The following NRXN2 variants were observed in gnomAD, a reference collection of about 807,000 sequenced individuals.
The protein encoded by NRXN2 is neurexin-2-beta.
Under a neutral mutation model 128.8 loss-of-function variants are expected in NRXN2, and 29 were observed. The ratio of observed to expected loss-of-function variants is 0.23; its 90% CI spans 0.17 to 0.31. The LOEUF is 0.31. Among genes scored for constraint, NRXN2 ranks in the 10% least tolerant of loss-of-function variants. The probability of loss-of-function intolerance (pLI) is 1.00; values close to 1 mark genes in which losing one functional copy is unlikely to be tolerated. For missense variants in NRXN2, 1,881 were observed against 2,452.6 expected (o/e 0.77, Z 4.92); for synonymous variants, 1,098 against 1,075.2 (o/e 1.02, Z -0.41).
chr11:64,694,195 C>A (rs866714911), intron 3 of NRXN2, among the ~76,000 whole-genome samples: 3 of 152,332 alleles, frequency 2.0e-5, no homozygotes, highest in East Asian at 3.9e-4. Flanking sequence ...CAGAGCCCCC[C>A]CAGCCCCACT....
intron 22 of NRXN2, among the ~76,000 whole-genome samples, chr11:64,608,402 A>T (rs1208308924): frequency 6.6e-6 from 1 of 152,208 alleles, no homozygotes; most frequent in Non-Finnish European, 1.5e-5. Context: ...CTACTGGTTT[A>T]AGGCTTTAAA....
chr11:64,659,041 G>C (rs2048659956), intron 11 of NRXN2, among the ~76,000 whole-genome samples: 1 of 152,166 alleles, frequency 6.6e-6, no homozygotes, highest in Non-Finnish European at 1.5e-5. Context: ...AAAAAAAATG[G>C]TCAAAGCTCT....
intron 17 of NRXN2, chr11:64,643,361 G>A (rs1361211372): frequency 1.6e-6 from 1 of 609,964 alleles, no homozygotes; most frequent in Non-Finnish European, 2.0e-6. Flanking sequence ...GCGGCCGGGG[G>A]AGGGGGGGGC....
In NRXN2 at chr11:64,650,618, T is replaced by C; in HGVS notation, c.2939A>G (p.Asp980Gly). 3 of 1,613,966 alleles carry C rather than the reference T, an allele frequency of 1.9e-6. No homozygotes were observed. The highest frequency in any genetic ancestry group is 2.5e-6 in the Non-Finnish European group (3 of 1,179,996). Reference protein sequence around the residue: ...LVKGYIHYVFDLGNGPSLMKG... With the variant: ...LVKGYIHYVFGLGNGPSLMKG... ...CATCAAGGACGGGCCATTCCCCAGGTCAAACACGTAGTGGATGTACCTGCC... is the reference window on the plus strand; with the variant it reads ...CATCAAGGACGGGCCATTCCCCAGGCCAAACACGTAGTGGATGTACCTGCC... The change falls in exon 15 of 23, where the codon GAC becomes GGC. Residue 980 changes from aspartate (D) to glycine (G), a missense_variant. Asp to Gly is a moderately conservative substitution (Grantham distance 94). Around this residue, in one of 7 missense-constraint regions of NRXN2, gnomAD observed 390 missense variants for 599.6 expected, o/e 0.65. Transcript: ENST00000265459.
In NRXN2 at chr11:64,653,684, G is replaced by T. The variant is rs761573950; in HGVS notation, c.2416+12C>A. 6.3e-7 allele frequency: 1 copy of T among 1,594,768 alleles called. No individual in the cohort carries two copies. The highest frequency in any genetic ancestry group is 1.1e-5 in the South Asian group (1 of 87,242). On this transcript the variant is annotated intron_variant, in intron 12 of 22. Coordinates refer to ENST00000265459, the MANE Select transcript of NRXN2 (RefSeq NM_015080.4). ...CCTTGGGTCTCTGCAGAAGAAGAGG[G>T]AAGCCACTTACTGGGTGCGCAGCCG...
Position 64,652,097 on chromosome 11 carries a change from G to A in NRXN2, c.2474C>T (p.Thr825Met), listed in dbSNP as rs145867729. 296 of 1,613,256 alleles carry A rather than the reference G, an allele frequency of 1.8e-4. No individual in the cohort carries two copies. Among genetic ancestry groups the A allele is most frequent in the Non-Finnish European group, 2.4e-4 (289 of 1,179,994 alleles). Residue 825 changes from threonine (T) to methionine (M), a missense_variant, in exon 13 of 23, where the codon ACG (threonine) becomes ATG (methionine). Thr to Met is a moderately conservative substitution (Grantham distance 81). Coordinates refer to ENST00000265459, the MANE Select transcript of NRXN2 (RefSeq NM_015080.4). The part of the protein sequence containing the change: ...GHKLNDNEWH[T>M]VRVVRRGKSL... ...CTTGCCACGCCGGACCACCCTCACC[G>A]TGTGCCACTCATTGTCATTGAGCTT...
At chr11:64,637,301 C>T (rs1445999366) in intron 17 of NRXN2, 1 of 152,260 alleles carries the variant, frequency 6.6e-6, no homozygotes, top group East Asian at 1.9e-4. Flanking sequence ...CCCTGGAGCA[C>T]AGTGGTGAGC....
rs962772608 is a variant in NRXN2, at chr11:64,685,884, T to C, written c.914A>G (p.Asn305Ser). ...NEFFCYDLSH[N>S]PIQSSTDEIT... is the part of the protein sequence containing the mutation. The stretch of plus-strand genomic sequence containing the variant: ...CTCATCAGTGCTGCTCTGGATGGGG[T>C]TGTGTGACAGGTCGTAGCAGAAGAA... The change falls in exon 6 of 23, where the codon AAC becomes AGC. Residue 305 changes from asparagine (N) to serine (S), a missense_variant. Around this residue, in one of 7 missense-constraint regions of NRXN2, gnomAD observed 997 missense variants for 1,240.8 expected, o/e 0.80. Coordinates refer to ENST00000265459, the MANE Select transcript of NRXN2 (RefSeq NM_015080.4). 4.3e-6 allele frequency: 7 copies of C among 1,613,900 alleles called. No individual in the cohort carries two copies. Among genetic ancestry groups the C allele is most frequent in the African/African-American group, 2.7e-5 (2 of 74,864 alleles).
chr11:64,623,117 C>A lies in NRXN2; in HGVS notation c.3848-39G>T. On this transcript the variant is annotated intron_variant, in intron 20 of 22. Transcript: ENST00000265459. This position sits in a 1 kb window ranked among gnomAD's most constrained non-coding sequence, Gnocchi z 4.9. ...AAGGGGGTGACAGAGAAGGGGCAGG[C>A]AGTGAGGGGAGACCAGGAAGGGAAG... The A allele has an allele frequency of 6.4e-7, 1 of 1,568,614 alleles. No homozygotes were observed. Among genetic ancestry groups the A allele is most frequent in the Non-Finnish European group, 8.7e-7 (1 of 1,154,432 alleles).
intron 2 of NRXN2, among the ~76,000 whole-genome samples, chr11:64,708,447 C>G (rs1323985476): frequency 6.6e-6 from 1 of 152,214 alleles, no homozygotes; most frequent in Admixed American, 6.5e-5. Flanking sequence ...TGAGGAAGCA[C>G]TGTCATGCAA....
intron 6 of NRXN2, among the ~76,000 whole-genome samples, chr11:64,679,790 C>T (rs1027501707): frequency 6.6e-6 from 1 of 152,128 alleles, no homozygotes; most frequent in Admixed American, 6.6e-5. Flanking sequence ...ATTAAGGATC[C>T]AGACCCAGTC....
intron 22 of NRXN2, among the ~76,000 whole-genome samples, chr11:64,615,829 C>CAT (rs1565184522): frequency 3.6e-5 from 5 of 139,112 alleles, no homozygotes; most frequent in African/African-American, 7.8e-5. Flanking sequence ...TAGGCCCAAG[C>CAT]GTGTGTGTGT....
At chr11:64,662,182 C>T (rs541184912) in intron 9 of NRXN2, among the ~76,000 whole-genome samples, 35 of 151,970 alleles carry the variant, frequency 2.3e-4, no homozygotes, top group Non-Finnish European at 3.7e-4. Flanking sequence ...CACTTGAACC[C>T]GGGAGGCAGA....
Position 64,623,027 on chromosome 11 carries a change from C to A in NRXN2, c.3899G>T (p.Arg1300Leu), listed in dbSNP as rs760897904. 3.1e-6 allele frequency: 5 copies of A among 1,611,348 alleles called. No individual in the cohort carries two copies. The Admixed American group carries it at 8.4e-5, about 27-fold the overall frequency. Residue 1300 changes from arginine to leucine, a missense_variant, in exon 21 of 23, where the codon CGG (arginine) becomes CTG (leucine). Arg to Leu is a moderately radical substitution (Grantham distance 102). Transcript: ENST00000265459. The surrounding 1 kb of genome is among the most constrained non-coding windows in gnomAD (Gnocchi z 4.9). ...NSQAAIKIGG[R>L]DQGRPFQGQV... ...GCCCTGGAAGGGGCGGCCCTGATCC[C>A]GGCCCCCGATCTTGATGGCAGCCTG...
chr11:64,683,995 T>C (rs774496876), intron 6 of NRXN2, among the ~76,000 whole-genome samples: 3 of 152,198 alleles, frequency 2.0e-5, no homozygotes, highest in Admixed American at 6.5e-5. Context: ...GCTGCTCACT[T>C]GGCACTGGCA....
At chr11:64,644,293 C>T (rs71579878) in intron 17 of NRXN2, among the ~76,000 whole-genome samples, 4,190 of 152,068 alleles carry the variant, frequency 0.028, 179 homozygotes, top group African/African-American at 0.093. Context: ...CACACACGTA[C>T]AACTCCCCAC....
At chr11:64,619,608 C>T (rs2042019692) in intron 22 of NRXN2, among the ~76,000 whole-genome samples, 1 of 152,152 alleles carries the variant, frequency 6.6e-6, no homozygotes, top group Admixed American at 6.5e-5. Context: ...CAGCCCTGCT[C>T]TCCTCCTACA....
intron 17 of NRXN2, among the ~76,000 whole-genome samples, chr11:64,644,587 G>A (rs1394285458): frequency 3.3e-5 from 5 of 152,212 alleles, no homozygotes; most frequent in Admixed American, 6.5e-5. Flanking sequence ...CCAGAGGTAA[G>A]CACAGAGAGA....
rs184523765 is a variant in NRXN2 at position 64,696,013 on chromosome 11, C to A, written c.748+1762G>T. Among the ~76,000 whole-genome samples the A allele has an allele frequency of 3.0e-3, 449 of 151,962 alleles. 1 individual carries two copies. Among genetic ancestry groups the A allele is most frequent in the Middle Eastern group, 0.014 (4 of 294 alleles). ...GCTGTTCCCCGTTCCTGCCCCACCC[C>A]CTACAGCTTGAGGCTTGAGTCTTTC... On this transcript the variant is annotated intron_variant, in intron 3 of 22. Transcript: ENST00000265459.
Sources: gnomAD v4.1 joint callset for allele counts (sites outside exome capture counted in the v4.1 genomes callset) on GRCh38, gnomAD v4.1.1 for gene constraint, gnomAD v4.1.1 regional missense constraint, Gnocchi (gnomAD v3.1) non-coding constraint, MANE v1.5 for transcripts, NCBI Gene and HGNC (gene_info 2026-07-23, HGNC 2026-07-21) for gene names.